Variants in MT1F observed in about 807,000 individuals in gnomAD.
MT1F encodes the protein metallothionein-1F.
Under a neutral mutation model 5.4 loss-of-function variants are expected in MT1F, and 6 were observed. The ratio of observed to expected loss-of-function variants is 1.11; its 90% CI spans 0.61 to 2.19. The LOEUF is 2.19. MT1F is among the 30% of genes most tolerant of loss of function. The pLI is 0.00. For missense variants in MT1F, 82 were observed against 77.0 expected (o/e 1.07, Z -0.24); for synonymous variants, 28 against 28.3 (o/e 0.99, Z 0.04).
intron 2 of MT1F, 66 bp downstream of exon 2, chr16:56,658,806 C>T: frequency 1.9e-6 from 3 of 1,582,038 alleles, no homozygotes; most frequent in Non-Finnish European, 2.6e-6. Context: ...CCAAGGCTGG[C>T]CCTGAGTGCA....
Position 56,658,742 on chromosome 16 carries a change from T to A in MT1F, c.94+2T>A. 2 of 1,613,500 alleles carry A rather than the reference T, an allele frequency of 1.2e-6. No homozygotes were observed. Among genetic ancestry groups the A allele is most frequent in the South Asian group, 2.2e-5 (2 of 91,056 alleles). ...GCAAATGCACCTCCTGCAAGAAGAG[T>A]GAGTGTGAGGCCATCTCCATGGTCT... On this transcript the variant is annotated splice_donor_variant, in intron 2 of 2. Coordinates refer to ENST00000334350, the MANE Select transcript of MT1F (RefSeq NM_005949.4). LOFTEE classifies it high-confidence loss of function.
chr16:56,658,430 G>A (rs1960648023), intron 1 of MT1F: 2 of 597,746 alleles, frequency 3.3e-6, no homozygotes, highest in Admixed American at 6.0e-5. Flanking sequence ...GAAAGTCGAA[G>A]TCGCCGTCTT....
In MT1F at chr16:56,659,162, T is replaced by C. The variant is rs143980828; in HGVS notation, c.184T>C (p.Ter62ArgextTer39). 2.5e-6 allele frequency: 4 copies of C among 1,613,912 alleles called. No homozygotes were observed. The highest frequency in any genetic ancestry group is 1.3e-5 in the African/African-American group (1 of 74,916). Residue 62 changes from the stop codon to arginine, a stop_lost, in exon 3 of 3, where the codon TGA becomes CGA. Coordinates refer to ENST00000334350, the MANE Select transcript of MT1F (RefSeq NM_005949.4). Reference protein sequence around the residue: ...GASEKCSCCD* With the variant: ...GASEKCSCCDR The stretch of plus-strand genomic sequence containing the variant: ...GTCAGAGAAGTGCAGCTGCTGCGAC[T>C]GATGCCAGGACAACCTTTCTCCCAG...
Position 56,659,228 on chromosome 16 carries a change from T to TA in MT1F, c.*65dup, listed in dbSNP as rs1364693622. 20 of 1,496,224 alleles carry TA rather than the reference T, an allele frequency of 1.3e-5. No homozygotes were observed. Among genetic ancestry groups the TA allele is most frequent in the East Asian group, 2.3e-5 (1 of 44,102 alleles). 92.7% of individuals were successfully genotyped at this position (1,496,224 alleles called of 1,614,324 possible). ...CATGTACAAACCTGGATTTTTTTTT[T>TA]ATACCACCTTGACCCATTTGCTACA... On this transcript the variant is annotated 3_prime_UTR_variant, in exon 3 of 3. Coordinates refer to ENST00000334350, the MANE Select transcript of MT1F (RefSeq NM_005949.4).
chr16:56,658,772 C>T, intron 2 of MT1F, 32 bp downstream of exon 2: 1 of 1,613,566 alleles, frequency 6.2e-7, no homozygotes, highest in Non-Finnish European at 8.5e-7. Context: ...TGGTCTGGGG[C>T]TGTGGCTAAG....
In MT1F at chr16:56,658,798, A is replaced by C. The variant is rs78816155; in HGVS notation, c.94+58A>C. ...TGTGGCTAAGGTTGGGATGGAACCCAAGGCTGGCCCTGAGTGCATGCTTCT... is the reference window on the plus strand; with the variant it reads ...TGTGGCTAAGGTTGGGATGGAACCCCAGGCTGGCCCTGAGTGCATGCTTCT... On this transcript the variant is annotated intron_variant, in intron 2 of 2. Transcript: ENST00000334350. 11,415 of 1,602,600 alleles carry C rather than the reference A, an allele frequency of 7.1e-3. 113 individuals carry two copies. The highest frequency in any genetic ancestry group is 0.042 in the African/African-American group (3,170 of 74,826).
At chr16:56,658,471 C>T in intron 1 of MT1F, 1 of 623,978 alleles carries the variant, frequency 1.6e-6, no homozygotes, top group Non-Finnish European at 2.8e-6. Flanking sequence ...TGGGACTTTC[C>T]TTTGGAGTGC....
chr16:56,657,974 G>T lies in MT1F; in HGVS notation c.-85G>T. ...TCCCCTGACTATCAAAGCAGCGGCC[G>T]GCTGTTGGGGTCCACCACGCCTTCC... On this transcript the variant is annotated 5_prime_UTR_variant, in exon 1 of 3. Transcript: ENST00000334350. The T allele has an allele frequency of 7.0e-7, 1 of 1,427,146 alleles. No homozygotes were observed. Among genetic ancestry groups the T allele is most frequent in the South Asian group, 1.2e-5 (1 of 84,284 alleles). The allele number at this position is 1,427,146 out of a possible 1,614,324, so 88.4% of individuals were successfully genotyped here.
chr16:56,658,038 C>A lies in MT1F; in HGVS notation c.-21C>A. 1 of 1,613,892 alleles carries A rather than the reference C, an allele frequency of 6.2e-7. No individual in the cohort carries two copies. Among genetic ancestry groups the A allele is most frequent in the Non-Finnish European group, 8.5e-7 (1 of 1,179,828 alleles). ...CTTCTTCGCTTCTCTCTTGGAAAGT[C>A]CAGTCTCTCCTCGGCTTGCAATGGA... is the stretch of plus-strand genomic sequence containing the variant. On this transcript the variant is annotated 5_prime_UTR_variant, in exon 1 of 3. Transcript: ENST00000334350.
chr16:56,658,087 G>A lies in MT1F; in HGVS notation c.28+1G>A, dbSNP rs1960644068. 1 of 1,614,108 alleles carries A rather than the reference G, an allele frequency of 6.2e-7. No homozygotes were observed. The highest frequency in any genetic ancestry group is 1.1e-5 in the South Asian group (1 of 91,086). On this transcript the variant is annotated splice_donor_variant, in intron 1 of 2. Transcript: ENST00000334350. LOFTEE classifies it high-confidence loss of function. ...GACCCCAACTGCTCCTGCGCCGCTG[G>A]TAAGGAACGCCGGGTTCCGTGCCTG...
At chr16:56,659,005 G>C (rs1296374540) in intron 2 of MT1F, 68 bp from the exon 3 acceptor site, 15 of 1,371,844 alleles carry the variant, frequency 1.1e-5, no homozygotes, top group Non-Finnish European at 1.2e-5. Context: ...TCTGTTGGGG[G>C]CCTCTGTTGG....
Position 56,659,072 on chromosome 16 carries a change from G to A in MT1F, c.95-1G>A. ...CCTCTCATGCTCCTCTTCTTCCCCA[G>A]GCTGCTGCTCCTGCTGCCCCGTGGG... On this transcript the variant is annotated splice_acceptor_variant, in intron 2 of 2. Transcript: ENST00000334350. LOFTEE classifies it high-confidence loss of function. The A allele has an allele frequency of 6.2e-7, 1 of 1,613,594 alleles. No homozygotes were observed. Among genetic ancestry groups the A allele is most frequent in the Non-Finnish European group, 8.5e-7 (1 of 1,179,934 alleles).
rs1223788242 is a variant in MT1F, at chr16:56,658,699, C to T, written c.53C>T (p.Ser18Phe). Reference sequence around the variant, plus strand: ...GGTGTCTCCTGCACCTGCGCTGGTTCCTGCAAGTGCAAAGAGTGCAAATGC... The same window carrying T: ...GGTGTCTCCTGCACCTGCGCTGGTTTCTGCAAGTGCAAAGAGTGCAAATGC... ...AAGVSCTCAG[S>F]CKCKECKCTS... The change falls in exon 2 of 3, where the codon TCC becomes TTC. Residue 18 changes from serine to phenylalanine, a missense_variant. By Grantham distance (155) the Ser-to-Phe change is radical (BLOSUM62 -2). Coordinates refer to ENST00000334350, the MANE Select transcript of MT1F (RefSeq NM_005949.4). 1 of 1,614,056 alleles carries T rather than the reference C, an allele frequency of 6.2e-7. No individual in the cohort carries two copies. Among genetic ancestry groups the T allele is most frequent in the Non-Finnish European group, 8.5e-7 (1 of 1,180,026 alleles).
chr16:56,659,073 G>T lies in MT1F; in HGVS notation c.95G>T (p.Ser32Ile). 6.2e-7 allele frequency: 1 copy of T among 1,613,666 alleles called. No individual in the cohort carries two copies. Among genetic ancestry groups the T allele is most frequent in the Non-Finnish European group, 8.5e-7 (1 of 1,179,970 alleles). The change falls in exon 3 of 3, where the codon AGC becomes ATC. Residue 32 changes from serine (S) to isoleucine (I), a missense_variant and splice_region_variant. Coordinates refer to ENST00000334350, the MANE Select transcript of MT1F (RefSeq NM_005949.4). ...KECKCTSCKK[S>I]CCSCCPVGCS... ...CTCTCATGCTCCTCTTCTTCCCCAG[G>T]CTGCTGCTCCTGCTGCCCCGTGGGC...
chr16:56,658,318 T>G (rs1960646592), intron 1 of MT1F: 5 of 601,652 alleles, frequency 8.3e-6, no homozygotes, highest in Non-Finnish European at 1.2e-5. Flanking sequence ...CGTCATGCGG[T>G]TTGTCCCAGG....
In MT1F at chr16:56,659,087, T is replaced by G. The variant is rs761216844; in HGVS notation, c.109T>G (p.Cys37Gly). 6.2e-7 allele frequency: 1 copy of G among 1,613,926 alleles called. No homozygotes were observed. The highest frequency in any genetic ancestry group is 8.5e-7 in the Non-Finnish European group (1 of 1,179,982). Residue 37 changes from cysteine to glycine, a missense_variant, in exon 3 of 3, where the codon TGC becomes GGC. Cys to Gly is a radical substitution (Grantham distance 159). Coordinates refer to ENST00000334350, the MANE Select transcript of MT1F (RefSeq NM_005949.4). ...TTCTTCCCCAGGCTGCTGCTCCTGC[T>G]GCCCCGTGGGCTGTAGCAAGTGTGC... ...TSCKKSCCSC[C>G]PVGCSKCAQG...
At chr16:56,658,145 G>A in intron 1 of MT1F, 59 bp downstream of exon 1, 1 of 1,599,522 alleles carries the variant, frequency 6.3e-7, no homozygotes, top group East Asian at 2.2e-5. Flanking sequence ...CATAGAGAGT[G>A]TTCCTGGGTT....
chr16:56,658,135 C>T (rs777743281), intron 1 of MT1F, 49 bp downstream of exon 1: 3 of 1,607,418 alleles, frequency 1.9e-6, no homozygotes, highest in Non-Finnish European at 2.6e-6. Context: ...TCCCAGACAC[C>T]ATAGAGAGTG....
chr16:56,658,702 G>T lies in MT1F; in HGVS notation c.56G>T (p.Cys19Phe). 1 of 1,614,192 alleles carries T rather than the reference G, an allele frequency of 6.2e-7. No homozygotes were observed. Among genetic ancestry groups the T allele is most frequent in the Non-Finnish European group, 8.5e-7 (1 of 1,180,028 alleles). ...GTCTCCTGCACCTGCGCTGGTTCCTGCAAGTGCAAAGAGTGCAAATGCACC... is the reference window on the plus strand; with the variant it reads ...GTCTCCTGCACCTGCGCTGGTTCCTTCAAGTGCAAAGAGTGCAAATGCACC... ...AGVSCTCAGS[C>F]KCKECKCTSC... The change falls in exon 2 of 3, where the codon TGC becomes TTC. Residue 19 changes from cysteine (C) to phenylalanine (F), a missense_variant. Physicochemically the swap from Cys to Phe is radical, Grantham distance 205 (BLOSUM62 -2). Transcript: ENST00000334350.
Sources: gnomAD v4.1 joint callset for allele counts on GRCh38, gnomAD v4.1.1 for gene constraint, MANE v1.5 for transcripts, NCBI Gene and HGNC (gene_info 2026-07-23, HGNC 2026-07-21) for gene names.